DENND3: variants seen among roughly 807,000 people sequenced by gnomAD.
The protein encoded by DENND3 is DENN domain-containing protein 3.
DENND3 carries 88 observed loss-of-function variants against 135.1 expected under a neutral mutation model. The ratio of observed to expected loss-of-function variants is 0.65; its 90% CI spans 0.55 to 0.78. DENND3 has a LOEUF of 0.78. Among genes scored for constraint, DENND3 ranks in the 30% least tolerant of loss-of-function variants. DENND3 has a pLI of 0.00. For missense variants in DENND3, 1,392 were observed against 1,688.4 expected (o/e 0.82, Z 3.08); for synonymous variants, 693 against 712.3 (o/e 0.97, Z 0.43).
In DENND3 at chr8:141,162,320, G is replaced by A. The variant is rs141594042; in HGVS notation, c.1353-1013G>A. 5.2e-3 allele frequency among the ~76,000 whole-genome samples: 789 copies of A among 152,080 alleles called. 9 individuals are homozygous for A. Among genetic ancestry groups the A allele is most frequent in the African/African-American group, 0.018 (751 of 41,456 alleles). ...TCTTAATATTTTACAAACTCAATGAGTTGACAGAAAAGCAGAATAGTCCCA... is the reference window on the plus strand; with the variant it reads ...TCTTAATATTTTACAAACTCAATGAATTGACAGAAAAGCAGAATAGTCCCA... On this transcript the variant is annotated intron_variant, in intron 9 of 22. Transcript: ENST00000519811.
At chr8:141,132,323 C>A (rs1337837820) in intron 1 of DENND3, among the ~76,000 whole-genome samples, 1 of 152,024 alleles carries the variant, frequency 6.6e-6, no homozygotes, top group Non-Finnish European at 1.5e-5. Context: ...GGAGGGCCGT[C>A]CCTTTCTATT....
At chr8:141,135,134 C>CTCTTTCTT (rs1189073673) in intron 1 of DENND3, among the ~76,000 whole-genome samples, 1 of 151,194 alleles carries the variant, frequency 6.6e-6, no homozygotes, top group Non-Finnish European at 1.5e-5. Flanking sequence ...CCGCGCCCAG[C>CTCTTTCTT]TCTTTCTTTC....
At position 141,194,470 on chromosome 8, in the gene DENND3, C is replaced by A; in HGVS notation, c.*237C>A. On this transcript the variant is annotated 3_prime_UTR_variant, in exon 23 of 23. Transcript: ENST00000519811. ...GTTTCCTGTTGGGGTGTGTCTCAGG[C>A]AGGCAGCTGCGTCTTGTTGGTGATA... is the stretch of plus-strand genomic sequence containing the variant. 1.8e-6 allele frequency: 1 copy of A among 549,568 alleles called. No homozygotes were observed. Among genetic ancestry groups the A allele is most frequent in the Non-Finnish European group, 3.3e-6 (1 of 306,540 alleles). 34.0% of individuals were successfully genotyped at this position (549,568 alleles called of 1,614,324 possible).
chr8:141,166,052 G>T lies in DENND3; in HGVS notation c.1554-138G>T, dbSNP rs1186987929. ...GCACTTGGTGAGATTTGGGCAACAT[G>T]TTCTTACCAGTCTGTTTTCCACTGG... On this transcript the variant is annotated intron_variant, in intron 11 of 22. Transcript: ENST00000519811. The surrounding 1 kb of genome is among the most constrained non-coding windows in gnomAD (Gnocchi z 4.3). The T allele has an allele frequency of 3.3e-6, 3 of 896,016 alleles. No individual in the cohort carries two copies. The highest frequency in any genetic ancestry group is 2.4e-4 in the Middle Eastern group (1 of 4,200). 55.5% of individuals were successfully genotyped at this position (896,016 alleles called of 1,614,324 possible).
intron 8 of DENND3, among the ~76,000 whole-genome samples, chr8:141,160,304 G>A (rs1230866134): frequency 7.3e-5 from 11 of 151,716 alleles, no homozygotes; most frequent in Admixed American, 6.6e-4. Context: ...TCAGCCTCCC[G>A]AGTAGCTGGG....
At chr8:141,132,230 G>A (rs1471255046) in intron 1 of DENND3, among the ~76,000 whole-genome samples, 1 of 152,186 alleles carries the variant, frequency 6.6e-6, no homozygotes, top group Non-Finnish European at 1.5e-5. Flanking sequence ...GTTTATACAT[G>A]CATTAAAATG....
In DENND3 at chr8:141,190,134, A is replaced by ACGT. The variant is rs1177023943; in HGVS notation, c.3246-150_3246-149insCGT. On this transcript the variant is annotated intron_variant, in intron 19 of 22. Coordinates refer to ENST00000519811, the MANE Select transcript of DENND3 (RefSeq NM_001352890.3). Reference sequence around the variant, plus strand: ...TGTTTGCAGGTTACGTTTGCAGGTTATTATGTTTGCATGTTATTATCATGT... The same window carrying ACGT: ...TGTTTGCAGGTTACGTTTGCAGGTTACGTTTATGTTTGCATGTTATTATCATGT... 39 of 1,050,252 alleles carry ACGT rather than the reference A, an allele frequency of 3.7e-5. 1 individual carries two copies. In the Middle Eastern group the frequency reaches 9.1e-4, roughly 24 times the overall value. The allele number at this position is 1,050,252 out of a possible 1,614,324, so 65.1% of individuals were successfully genotyped here.
chr8:141,165,676 C>T (rs1820700726), intron 11 of DENND3, among the ~76,000 whole-genome samples: 2 of 152,096 alleles, frequency 1.3e-5, no homozygotes, highest in Non-Finnish European at 2.9e-5. Flanking sequence ...GTTGGCCAGG[C>T]TGGTCTTGAA....
In DENND3 at chr8:141,168,269, T is replaced by G; in HGVS notation, c.2019T>G (p.Thr673=). The G allele has an allele frequency of 6.2e-7, 1 of 1,614,088 alleles. No individual in the cohort carries two copies. Among genetic ancestry groups the G allele is most frequent in the Non-Finnish European group, 8.5e-7 (1 of 1,180,032 alleles). Residue 673 remains threonine, a synonymous_variant, in exon 13 of 23, where the codon ACT becomes ACG. Coordinates refer to ENST00000519811, the MANE Select transcript of DENND3 (RefSeq NM_001352890.3). The surrounding 1 kb of genome is among the most constrained non-coding windows in gnomAD (Gnocchi z 6.2). ...AAACAGACATACGGATCTTTCCCACTGATTTGGTGAAGAGGACGGTGGAAT... is the reference window on the plus strand; with the variant it reads ...AAACAGACATACGGATCTTTCCCACGGATTTGGTGAAGAGGACGGTGGAAT... The part of the protein sequence containing the change: ...LYKTDIRIFP[T]DLVKRTVESM...
intron 19 of DENND3, 100 bp from the exon 20 acceptor site, chr8:141,190,184 A>G: frequency 1.4e-6 from 2 of 1,421,718 alleles, no homozygotes; most frequent in East Asian, 2.7e-5. Flanking sequence ...TGTTGAGCAC[A>G]TTTTCTCTCA....
chr8:141,190,272 T>C lies in DENND3; in HGVS notation c.3246-12T>C. On this transcript the variant is annotated splice_polypyrimidine_tract_variant and intron_variant, in intron 19 of 22. Transcript: ENST00000519811. Reference sequence around the variant, plus strand: ...CAAGTTAAAGGTGTGTGTGTGTGTTTTGTGCCCCCAGCAACGTGTACTCGT... The same window carrying C: ...CAAGTTAAAGGTGTGTGTGTGTGTTCTGTGCCCCCAGCAACGTGTACTCGT... 1.9e-6 allele frequency: 3 copies of C among 1,577,132 alleles called. No homozygotes were observed. Among genetic ancestry groups the C allele is most frequent in the Non-Finnish European group, 2.6e-6 (3 of 1,159,240 alleles).
intron 18 of DENND3, among the ~76,000 whole-genome samples, chr8:141,186,427 A>G (rs933103916): frequency 6.6e-6 from 1 of 152,150 alleles, no homozygotes; most frequent in Non-Finnish European, 1.5e-5. Context: ...AGCTTGTCCA[A>G]CCTGTGGCCT....
intron 20 of DENND3, chr8:141,191,419 T>A (rs916101001): frequency 2.0e-5 from 3 of 152,278 alleles, no homozygotes; most frequent in South Asian, 2.1e-4. Flanking sequence ...AACATGCTCA[T>A]CCTTCCCCTG....
Position 141,138,731 on chromosome 8 carries a change from G to A in DENND3, c.501+594G>A, listed in dbSNP as rs548594362. On this transcript the variant is annotated intron_variant, in intron 3 of 22. Coordinates refer to ENST00000519811, the MANE Select transcript of DENND3 (RefSeq NM_001352890.3). This position sits in a 1 kb window ranked among gnomAD's most constrained non-coding sequence, Gnocchi z 4.8. The stretch of plus-strand genomic sequence containing the variant: ...TGGATGTATGTATTCTGGACACTTC[G>A]TGTAAGTGGACTCATACAGCATGTG... Among the ~76,000 whole-genome samples, 4 of 152,258 alleles carry A rather than the reference G, an allele frequency of 2.6e-5. No individual in the cohort carries two copies. Among genetic ancestry groups the A allele is most frequent in the African/African-American group, 7.2e-5 (3 of 41,560 alleles).
chr8:141,191,973 T>C (rs574734828), intron 20 of DENND3: 4 of 183,694 alleles, frequency 2.2e-5, no homozygotes, highest in African/African-American at 7.0e-5. Flanking sequence ...CTAACTATGA[T>C]ACTGCTTCAT....
chr8:141,158,338 A>C, intron 8 of DENND3: 5 of 1,240,070 alleles, frequency 4.0e-6, no homozygotes, highest in Non-Finnish European at 5.2e-6. Flanking sequence ...TCTGTAATAG[A>C]ACTGAGCTTT....
rs541147752 is a variant in DENND3 at position 141,141,138 on chromosome 8, T to C, written c.502-65T>C. The C allele has an allele frequency of 9.3e-6, 15 of 1,611,042 alleles. No homozygotes were observed. The African/African-American group carries it at 1.9e-4, about 20-fold the overall frequency. On this transcript the variant is annotated intron_variant, in intron 3 of 22. Coordinates refer to ENST00000519811, the MANE Select transcript of DENND3 (RefSeq NM_001352890.3). The surrounding 1 kb of genome is among the most constrained non-coding windows in gnomAD (Gnocchi z 5.3). Reference sequence around the variant, plus strand: ...TGCTGTGTGCTGAAACGTGACCCAGTTGGAAACAGATACTGGAATTGCCAA... The same window carrying C: ...TGCTGTGTGCTGAAACGTGACCCAGCTGGAAACAGATACTGGAATTGCCAA...
chr8:141,142,540 C>A, intron 4 of DENND3: 1 of 362,276 alleles, frequency 2.8e-6, no homozygotes, highest in Admixed American at 3.8e-5. Context: ...ATATAACTGG[C>A]TTTTGGACAT....
chr8:141,194,196 G>C lies in DENND3; in HGVS notation c.3800G>C (p.Arg1267Thr). 1 of 1,613,382 alleles carries C rather than the reference G, an allele frequency of 6.2e-7. No individual in the cohort carries two copies. The highest frequency in any genetic ancestry group is 1.1e-5 in the South Asian group (1 of 90,816). Residue 1267 changes from arginine to threonine, a missense_variant, in exon 23 of 23, where the codon AGG (arginine) becomes ACG (threonine). By Grantham distance (71) the Arg-to-Thr change is moderately conservative (BLOSUM62 -1). Coordinates refer to ENST00000519811, the MANE Select transcript of DENND3 (RefSeq NM_001352890.3). ...EDRYVLSGSG[R>T]EEGKVAIWKG... ...AGATACGTGCTGAGTGGGTCGGGCA[G>C]GGAGGAGGGGAAAGTCGCCATTTGG...
Sources: allele counts gnomAD v4.1 joint callset (sites outside exome capture counted in the v4.1 genomes callset), GRCh38; gene constraint gnomAD v4.1.1; non-coding constraint Gnocchi (gnomAD v3.1); transcripts MANE v1.5; gene names NCBI Gene and HGNC (gene_info 2026-07-23, HGNC 2026-07-21).